Variants in PREX2 observed in about 807,000 individuals in gnomAD.
PREX2 encodes the protein phosphatidylinositol 3,4,5-trisphosphate-dependent Rac exchanger 2 protein.
A neutral mutation model predicts 203.2 loss-of-function variants in PREX2; 107 were observed. The ratio of observed to expected loss-of-function variants is 0.53; its 90% CI spans 0.45 to 0.62. The LOEUF is 0.62. Ranked by LOEUF, PREX2 falls within the 20% of genes least tolerant of loss-of-function variation. The pLI, the probability that PREX2 is intolerant of heterozygous loss-of-function variation, is 0.00. For synonymous variants in PREX2, 672 were observed against 663.6 expected (o/e 1.01, Z -0.19); for missense variants, 1,777 against 1,955.9 (o/e 0.91, Z 1.72).
intron 1 of PREX2, among the ~76,000 whole-genome samples, chr8:67,960,377 G>C (rs1353948683): frequency 6.6e-6 from 1 of 152,016 alleles, no homozygotes; most frequent in East Asian, 1.9e-4. Context: ...TAAACTCCAA[G>C]CTTATCTCCC....
At chr8:68,112,886 G>A (rs1371209129) in intron 25 of PREX2, among the ~76,000 whole-genome samples, 1 of 152,124 alleles carries the variant, frequency 6.6e-6, no homozygotes, top group African/African-American at 2.4e-5. Context: ...ACTTAGCATC[G>A]TGACTGTCAT....
intron 6 of PREX2, among the ~76,000 whole-genome samples, chr8:68,034,581 T>C (rs1278219245): frequency 6.6e-6 from 1 of 152,160 alleles, no homozygotes; most frequent in African/African-American, 2.4e-5. Context: ...GGTGTTGGGA[T>C]AAATGAGATT....
At chr8:68,104,543 G>T (rs184498630) in intron 23 of PREX2, among the ~76,000 whole-genome samples, 1 of 152,238 alleles carries the variant, frequency 6.6e-6, no homozygotes, top group East Asian at 1.9e-4. Context: ...CTTCAGTGAG[G>T]CCTGTTCTGA....
At chr8:68,157,938 C>A (rs1317285200) in intron 35 of PREX2, among the ~76,000 whole-genome samples, 3 of 151,290 alleles carry the variant, frequency 2.0e-5, no homozygotes, top group African/African-American at 7.3e-5. Flanking sequence ...CTTTTTCCCC[C>A]CAAAAAATAG....
intron 31 of PREX2, among the ~76,000 whole-genome samples, chr8:68,132,132 T>A (rs191726826): frequency 1.3e-5 from 2 of 152,304 alleles, no homozygotes; most frequent in African/African-American, 4.8e-5. Context: ...AACCAGAGAA[T>A]GAACTCATGT....
chr8:68,007,978 C>T (rs1807146349), intron 1 of PREX2, among the ~76,000 whole-genome samples: 1 of 152,164 alleles, frequency 6.6e-6, no homozygotes, highest in Non-Finnish European at 1.5e-5. Context: ...TACCATATTA[C>T]TCTTATCTTA....
At position 68,231,320 on chromosome 8, in the gene PREX2, A is replaced by G; in HGVS notation, c.4776-13A>G. The G allele has an allele frequency of 2.5e-6, 4 of 1,577,228 alleles. No homozygotes were observed. The South Asian group carries it at 4.8e-5, about 19-fold the overall frequency. The stretch of plus-strand genomic sequence containing the variant: ...CACTAAGTCACTGTCAAACTTTACC[A>G]TGCCTTTTCTAGGCTGTACAAGCTG... On this transcript the variant is annotated splice_polypyrimidine_tract_variant and intron_variant, in intron 39 of 39. Coordinates refer to ENST00000288368, the MANE Select transcript of PREX2 (RefSeq NM_024870.4).
chr8:68,016,804 A>G (rs911802827), intron 1 of PREX2, among the ~76,000 whole-genome samples: 1 of 152,158 alleles, frequency 6.6e-6, no homozygotes, highest in Non-Finnish European at 1.5e-5. Context: ...CTTTGTAAAG[A>G]CAAGGTCTTG....
chr8:68,219,178 T>C (rs1480694312), intron 38 of PREX2, among the ~76,000 whole-genome samples: 3 of 152,170 alleles, frequency 2.0e-5, no homozygotes, highest in African/African-American at 7.2e-5. Flanking sequence ...TACTTTCTTT[T>C]AGAATATTCC....
chr8:68,026,047 G>A (rs1422323479), intron 4 of PREX2, among the ~76,000 whole-genome samples: 1 of 152,082 alleles, frequency 6.6e-6, no homozygotes, highest in Non-Finnish European at 1.5e-5. Flanking sequence ...TCCTCTGGGG[G>A]AAAATACCAT....
intron 6 of PREX2, among the ~76,000 whole-genome samples, chr8:68,037,054 C>T (rs554720979): frequency 6.6e-5 from 10 of 152,172 alleles, no homozygotes; most frequent in East Asian, 3.9e-4. Context: ...TTTGAGTTGT[C>T]GTTGTAGGTG....
At chr8:68,090,782 G>T in intron 20 of PREX2, 67 bp downstream of exon 20, 1 of 1,371,434 alleles carries the variant, frequency 7.3e-7, no homozygotes, top group Non-Finnish European at 1.0e-6. Flanking sequence ...GGGTTGAGGT[G>T]GGATAGTGCC....
chr8:68,040,942 A>G (rs1001140263), intron 7 of PREX2, among the ~76,000 whole-genome samples: 1 of 152,206 alleles, frequency 6.6e-6, no homozygotes, highest in Non-Finnish European at 1.5e-5. Flanking sequence ...GTTTTAAAGC[A>G]TGAATATACT....
chr8:68,095,431 A>T (rs1810030081), intron 21 of PREX2, among the ~76,000 whole-genome samples: 1 of 152,086 alleles, frequency 6.6e-6, no homozygotes, highest in African/African-American at 2.4e-5. Flanking sequence ...ATAACAAAAG[A>T]CATTCCTGTC....
chr8:68,220,168 C>T (rs2129615377), intron 38 of PREX2: 1 of 151,478 alleles, frequency 6.6e-6, no homozygotes, highest in African/African-American at 2.4e-5. Context: ...TATTGTTTTC[C>T]TCTGCAGATT....
chr8:68,055,497 G>A (rs934960807), intron 9 of PREX2, among the ~76,000 whole-genome samples: 5 of 151,878 alleles, frequency 3.3e-5, no homozygotes, highest in African/African-American at 1.2e-4. Context: ...GGGCTACTCT[G>A]TCCAGTTCTG....
chr8:68,200,139 G>A (rs1014902390), intron 37 of PREX2, among the ~76,000 whole-genome samples: 3 of 152,196 alleles, frequency 2.0e-5, no homozygotes, highest in Non-Finnish European at 2.9e-5. Flanking sequence ...CTAGAGAGAT[G>A]GCTAAATAGA....
At chr8:68,196,995 A>G (rs1453517495) in intron 37 of PREX2, among the ~76,000 whole-genome samples, 1 of 152,168 alleles carries the variant, frequency 6.6e-6, no homozygotes, top group Non-Finnish European at 1.5e-5. Flanking sequence ...TTCTGGAGAT[A>G]GGGAAGTTCA....
chr8:68,213,502 G>T (rs933542066), intron 37 of PREX2, among the ~76,000 whole-genome samples: 1 of 152,094 alleles, frequency 6.6e-6, no homozygotes, highest in Admixed American at 6.6e-5. Context: ...TTTGGCAAAA[G>T]AATAAATGAA....
Sources: gnomAD v4.1 joint callset for allele counts (sites outside exome capture counted in the v4.1 genomes callset) on GRCh38, gnomAD v4.1.1 for gene constraint, MANE v1.5 for transcripts, NCBI Gene and HGNC (gene_info 2026-07-23, HGNC 2026-07-21) for gene names.